NCKAP5: variants seen among roughly 807,000 people sequenced by gnomAD.
NCKAP5 encodes the protein nck-associated protein 5.
In NCKAP5, 92 loss-of-function variants were observed where a neutral mutation model predicts 167.0. The observed-to-expected ratio is 0.55, with a 90% confidence interval of 0.47 to 0.66. The LOEUF is 0.66. NCKAP5 is among the 30% of genes least tolerant of loss of function. The probability of loss-of-function intolerance (pLI) is 0.00; values close to 1 mark genes in which losing one functional copy is unlikely to be tolerated. For missense variants in NCKAP5, 2,378 were observed against 2,315.0 expected (o/e 1.03, Z -0.56); for synonymous variants, 891 against 877.4 (o/e 1.02, Z -0.27).
the NCKAP5 span, among the ~76,000 whole-genome samples, chr2:133,622,696 A>T: frequency 6.6e-6 from 1 of 152,208 alleles, no homozygotes; most frequent in African/African-American, 2.4e-5. Flanking sequence ...ATGCTCATGG[A>T]TGGGTAGAAT....
chr2:133,249,724 A>T (rs897593127), intron 4 of NCKAP5, among the ~76,000 whole-genome samples: 6 of 152,204 alleles, frequency 3.9e-5, no homozygotes, highest in Non-Finnish European at 7.3e-5. Flanking sequence ...ACAATCTGAC[A>T]ATAAATTCTG....
intron 5 of NCKAP5, among the ~76,000 whole-genome samples, chr2:133,163,783 A>G (rs2083893599): frequency 6.6e-6 from 1 of 151,910 alleles, no homozygotes; most frequent in Non-Finnish European, 1.5e-5. Flanking sequence ...ATATCCTCAC[A>G]CTTGAACTTC....
At chr2:133,638,418 A>G in the NCKAP5 span, among the ~76,000 whole-genome samples, 1 of 152,242 alleles carries the variant, frequency 6.6e-6, no homozygotes, top group Admixed American at 6.5e-5. Context: ...TAGTAAGATA[A>G]TAGAGTCTTG....
intron 7 of NCKAP5, among the ~76,000 whole-genome samples, chr2:132,988,322 C>T (rs933721670): frequency 2.0e-5 from 3 of 151,924 alleles, no homozygotes; most frequent in Admixed American, 6.6e-5. Context: ...ATTAACCAAG[C>T]GTGGTGGCAC....
intron 16 of NCKAP5, among the ~76,000 whole-genome samples, chr2:132,755,948 A>G (rs1466336023): frequency 6.6e-6 from 1 of 151,940 alleles, no homozygotes; most frequent in Non-Finnish European, 1.5e-5. Context: ...TCAAACACTC[A>G]GATGCAAAAG....
At chr2:132,830,075 ATTC>A (rs1687411417) in intron 11 of NCKAP5, among the ~76,000 whole-genome samples, 1 of 152,168 alleles carries the variant, frequency 6.6e-6, no homozygotes, top group African/African-American at 2.4e-5. Flanking sequence ...ACACAAACTT[ATTC>A]TGGGTCCCAT....
In NCKAP5 at chr2:133,567,657, C is replaced by CTGTGTGTGTGTGTGTG. The variant is rs3050985; in HGVS notation, c.-130+543_-130+558dup. ...TACACATTCCTGAGGATGAATGAGC[C>CTGTGTGTGTGTGTGTG]TGTGTGTGTGTGTGTGTGTGTGTGT... is the stretch of plus-strand genomic sequence containing the variant. On this transcript the variant is annotated intron_variant, in intron 1 of 19. Transcript: ENST00000409261. Among the ~76,000 whole-genome samples, 114 of 130,986 alleles carry CTGTGTGTGTGTGTGTG rather than the reference C, an allele frequency of 8.7e-4. 1 individual carries two copies. The highest frequency in any genetic ancestry group is 7.6e-3 in the Middle Eastern group (2 of 262). The allele number at this position is 130,986 out of a possible 152,430, so 85.9% of individuals were successfully genotyped here.
chr2:133,454,966 C>G (rs1691756576), intron 3 of NCKAP5, among the ~76,000 whole-genome samples: 1 of 151,998 alleles, frequency 6.6e-6, no homozygotes, highest in Non-Finnish European at 1.5e-5. Context: ...AATACATTGG[C>G]ATGATATACT....
chr2:133,665,965 T>C, the NCKAP5 span, among the ~76,000 whole-genome samples: 3 of 152,132 alleles, frequency 2.0e-5, no homozygotes, highest in Non-Finnish European at 2.9e-5. Context: ...TGAATATGAA[T>C]GTTTATTAAT....
chr2:132,824,480 C>T (rs954171443), intron 11 of NCKAP5, among the ~76,000 whole-genome samples: 1 of 152,134 alleles, frequency 6.6e-6, no homozygotes, highest in Non-Finnish European at 1.5e-5. Context: ...CCTTTTAGGT[C>T]TCATAGGCCA....
At chr2:133,304,560 T>C (rs1468554486) in intron 3 of NCKAP5, among the ~76,000 whole-genome samples, 2 of 152,264 alleles carry the variant, frequency 1.3e-5, no homozygotes, top group African/African-American at 4.8e-5. Flanking sequence ...CGCTTTTAAC[T>C]GTCCTGATCA....
In NCKAP5 at chr2:133,271,134, G is replaced by A. The variant is rs1002280929; in HGVS notation, c.143+31903C>T. ...TTTTTAGTAGAGACAGGGTTTCATC[G>A]TGTTAGCCAGGATGGTCTTGATCTC... On this transcript the variant is annotated intron_variant, in intron 4 of 19. Coordinates refer to ENST00000409261, the MANE Select transcript of NCKAP5 (RefSeq NM_207363.3). 3.4e-5 allele frequency among the ~76,000 whole-genome samples: 5 copies of A among 146,578 alleles called. No homozygotes were observed. The South Asian group carries it at 6.5e-4, about 19-fold the overall frequency.
At chr2:133,620,660 TAC>T in the NCKAP5 span, among the ~76,000 whole-genome samples, 1 of 151,922 alleles carries the variant, frequency 6.6e-6, no homozygotes, top group Non-Finnish European at 1.5e-5. Flanking sequence ...CAGACAGCAA[TAC>T]AATGATAGCG....
In NCKAP5 at chr2:133,247,126, A is replaced by G. The variant is rs886914119; in HGVS notation, c.144-33347T>C. ...AGTTTGTATTTTTAAACACTGTTCC[A>G]TTTATAAACACCTAATACACACAGC... is the stretch of plus-strand genomic sequence containing the variant. On this transcript the variant is annotated intron_variant, in intron 4 of 19. Coordinates refer to ENST00000409261, the MANE Select transcript of NCKAP5 (RefSeq NM_207363.3). Among the ~76,000 whole-genome samples the G allele has an allele frequency of 2.4e-4, 36 of 152,222 alleles. 1 individual carries two copies. The highest frequency in any genetic ancestry group is 1.6e-4 in the Non-Finnish European group (11 of 68,040).
chr2:132,725,350 T>A (rs1246724583), intron 19 of NCKAP5, among the ~76,000 whole-genome samples: 8 of 152,200 alleles, frequency 5.3e-5, no homozygotes. Context: ...AGTCATTCCT[T>A]CATTATTGAG....
At chr2:133,214,188 T>A (rs2086331031) in intron 4 of NCKAP5, among the ~76,000 whole-genome samples, 1 of 152,218 alleles carries the variant, frequency 6.6e-6, no homozygotes, top group South Asian at 2.1e-4. Context: ...AAAATATAAC[T>A]CCTTACTACT....
chr2:133,204,248 T>A (rs1251375711), intron 5 of NCKAP5, among the ~76,000 whole-genome samples: 1 of 152,364 alleles, frequency 6.6e-6, no homozygotes, highest in African/African-American at 2.4e-5. Flanking sequence ...TTGATACTGA[T>A]AAAATATTTT....
intron 6 of NCKAP5, among the ~76,000 whole-genome samples, chr2:133,115,929 A>G (rs1313723221): frequency 6.6e-6 from 1 of 151,036 alleles, no homozygotes; most frequent in Non-Finnish European, 1.5e-5. Context: ...AGATTGAAAT[A>G]TTGAAAATGA....
chr2:133,223,196 T>C (rs1386567848), intron 4 of NCKAP5, among the ~76,000 whole-genome samples: 10 of 152,194 alleles, frequency 6.6e-5, no homozygotes, highest in Admixed American at 6.5e-4. Context: ...ATATTGAAAT[T>C]AGATAGATGA....
Sources: gnomAD v4.1 joint callset for allele counts (sites outside exome capture counted in the v4.1 genomes callset) on GRCh38, gnomAD v4.1.1 for gene constraint, MANE v1.5 for transcripts, NCBI Gene and HGNC (gene_info 2026-07-23, HGNC 2026-07-21) for gene names.